ANKFY1: variants seen among roughly 807,000 people sequenced by gnomAD.
ANKFY1 encodes the protein ankyrin repeat and FYVE domain-containing protein 1.
In ANKFY1, 47 loss-of-function variants were observed where a neutral mutation model predicts 128.3. The observed-to-expected ratio is 0.37, with a 90% CI of 0.29 to 0.47. ANKFY1 has a LOEUF of 0.47. Among genes scored for constraint, ANKFY1 ranks in the 20% least tolerant of loss-of-function variants. ANKFY1 has a pLI of 1.00. For missense variants in ANKFY1, 1,222 were observed against 1,510.6 expected, an observed-to-expected ratio of 0.81 and a Z score of 3.17; for synonymous variants, 553 against 601.6, an observed-to-expected ratio of 0.92 and a Z score of 1.18.
chr17:4,240,499 C>T (rs1967153954), intron 2 of ANKFY1, among the ~76,000 whole-genome samples: 1 of 152,034 alleles, frequency 6.6e-6, no homozygotes, highest in South Asian at 2.1e-4. Context: ...TCAAGCAATT[C>T]TCCTGCCTCA....
intron 7 of ANKFY1, among the ~76,000 whole-genome samples, chr17:4,200,228 A>AT (rs1434652483): frequency 6.6e-6 from 1 of 151,796 alleles, no homozygotes; most frequent in Non-Finnish European, 1.5e-5. Flanking sequence ...TACCCGGCTA[A>AT]TTTTTTTGTG....
intron 3 of ANKFY1, among the ~76,000 whole-genome samples, chr17:4,232,023 G>A (rs1385001395): frequency 2.6e-5 from 4 of 151,838 alleles, no homozygotes; most frequent in African/African-American, 9.7e-5. Context: ...ATTCTAAGAT[G>A]TAAGTTTATG....
At chr17:4,195,529 C>T (rs977844626) in intron 8 of ANKFY1, 58 bp from the exon 9 acceptor site, 130 of 1,339,588 alleles carry the variant, frequency 9.7e-5, no homozygotes, top group Admixed American at 1.7e-4. Flanking sequence ...GGATGACTCA[C>T]GGCAAGACGC....
chr17:4,199,991 G>C (rs1233077923), intron 7 of ANKFY1, among the ~76,000 whole-genome samples: 1 of 152,066 alleles, frequency 6.6e-6, no homozygotes, highest in Non-Finnish European at 1.5e-5. Flanking sequence ...GCCTTGCTGG[G>C]TGAAAGCAAT....
At chr17:4,199,861 T>C (rs984019063) in intron 7 of ANKFY1, among the ~76,000 whole-genome samples, 5 of 152,232 alleles carry the variant, frequency 3.3e-5, no homozygotes, top group African/African-American at 1.2e-4. Flanking sequence ...ATATTTAACA[T>C]TTAAAACACG....
chr17:4,185,846 C>T (rs569519698), intron 11 of ANKFY1, among the ~76,000 whole-genome samples: 3 of 152,256 alleles, frequency 2.0e-5, no homozygotes, highest in East Asian at 1.9e-4. Context: ...AGCCGCGCAG[C>T]CCCCGCCCGG....
chr17:4,262,036 T>C (rs1968445057), intron 1 of ANKFY1, among the ~76,000 whole-genome samples: 1 of 152,232 alleles, frequency 6.6e-6, no homozygotes, highest in Non-Finnish European at 1.5e-5. Context: ...AGACAAAAAC[T>C]GGGTGCCTGC....
At chr17:4,224,214 GTTTTTTTTTTTTTTTT>G (rs33995900) in intron 3 of ANKFY1, among the ~76,000 whole-genome samples, 7 of 66,722 alleles carry the variant, frequency 1.0e-4, no homozygotes, top group Non-Finnish European at 1.8e-4. Context: ...CACCTTTGAA[GTTTTTTTTTTTTTTTT>G]TTTTTTTTTT....
At chr17:4,172,506 G>A in intron 22 of ANKFY1, 50 bp downstream of exon 22, 3 of 1,587,366 alleles carry the variant, frequency 1.9e-6, no homozygotes, top group Non-Finnish European at 1.7e-6. Context: ...GCTTTTCCAG[G>A]AAGCAAGGTG....
intron 7 of ANKFY1, among the ~76,000 whole-genome samples, chr17:4,200,456 TGATAG>T (rs1466913366): frequency 6.6e-6 from 1 of 152,168 alleles, no homozygotes; most frequent in Non-Finnish European, 1.5e-5. Flanking sequence ...CTCTGATGGG[TGATAG>T]CAAGTTAACC....
chr17:4,195,050 A>T lies in ANKFY1; in HGVS notation c.1300T>A (p.Phe434Ile). ...EDVPVVNGTS[F>I]DENSFAARLI... ...CTGGCTGCAAAGCTGTTCTCATCAA[A>T]TGAAGTCCCATTTACCACGGGGACA... Residue 434 changes from phenylalanine to isoleucine, a missense_variant, in exon 10 of 25, where the codon TTT becomes ATT. Coordinates refer to ENST00000341657, the MANE Select transcript of ANKFY1 (RefSeq NM_001330063.2). 1 of 1,614,228 alleles carries T rather than the reference A, an allele frequency of 6.2e-7. No individual in the cohort carries two copies. The highest frequency in any genetic ancestry group is 8.5e-7 in the Non-Finnish European group (1 of 1,180,044).
chr17:4,212,770 CTTTT>C (rs35264086), intron 4 of ANKFY1, among the ~76,000 whole-genome samples: 5 of 130,826 alleles, frequency 3.8e-5, no homozygotes, highest in African/African-American at 8.4e-5. Flanking sequence ...GCAGAACACA[CTTTT>C]TTTTTTTTTT....
intron 3 of ANKFY1, among the ~76,000 whole-genome samples, chr17:4,233,391 G>A (rs911244751): frequency 2.6e-5 from 4 of 151,444 alleles, no homozygotes; most frequent in African/African-American, 7.3e-5. Context: ...GCTATCCCTC[G>A]AGATTTCGAT....
At chr17:4,197,297 G>C in intron 8 of ANKFY1, 76 bp downstream of exon 8, 1 of 1,487,632 alleles carries the variant, frequency 6.7e-7, no homozygotes, top group Non-Finnish European at 9.3e-7. Context: ...TGAACTCCCC[G>C]TATGCCAATT....
intron 1 of ANKFY1, among the ~76,000 whole-genome samples, chr17:4,242,715 G>A (rs1343048370): frequency 1.3e-5 from 2 of 152,148 alleles, no homozygotes; most frequent in African/African-American, 4.8e-5. Flanking sequence ...GCAACGTACT[G>A]TCTCCACGTT....
chr17:4,223,535 C>T (rs769894457), intron 3 of ANKFY1: 45 of 1,194,472 alleles, frequency 3.8e-5, no homozygotes, highest in Non-Finnish European at 5.5e-5. Context: ...TGTTGGATGG[C>T]TCTTGAAAGT....
In ANKFY1 at chr17:4,181,072, C is replaced by T; in HGVS notation, c.2240+182G>A. On this transcript the variant is annotated intron_variant, in intron 16 of 24. Coordinates refer to ENST00000341657, the MANE Select transcript of ANKFY1 (RefSeq NM_001330063.2). This position sits in a 1 kb window ranked among gnomAD's most constrained non-coding sequence, Gnocchi z 4.9. ...ATTCAGGGCTGTGAGCTCCTCCCGTCACAAGTGAGCCTGGCTCCTGGCTGA... is the reference window on the plus strand; with the variant it reads ...ATTCAGGGCTGTGAGCTCCTCCCGTTACAAGTGAGCCTGGCTCCTGGCTGA... 1.8e-6 allele frequency: 1 copy of T among 571,208 alleles called. No individual in the cohort carries two copies. The highest frequency in any genetic ancestry group is 2.4e-5 in the South Asian group (1 of 41,110). The allele number at this position is 571,208 out of a possible 1,614,324, so 35.4% of individuals were successfully genotyped here. A position where few individuals can be genotyped will look rare whatever the true frequency, so the allele number is the denominator to read the frequency against.
At chr17:4,218,876 CAAAAAG>C (rs1191853676) in intron 3 of ANKFY1, among the ~76,000 whole-genome samples, 2 of 151,300 alleles carry the variant, frequency 1.3e-5, no homozygotes, top group African/African-American at 2.4e-5. Flanking sequence ...GACCCTGTCT[CAAAAAG>C]AAAAAGAAAA....
chr17:4,170,927 G>A, intron 22 of ANKFY1, 66 bp from the exon 23 acceptor site: 3 of 1,609,330 alleles, frequency 1.9e-6, no homozygotes, highest in Non-Finnish European at 2.5e-6. Context: ...ACAGACGGAG[G>A]GCGGAGGACA....
Sources: gnomAD v4.1 joint callset for allele counts (sites outside exome capture counted in the v4.1 genomes callset) on GRCh38, gnomAD v4.1.1 for gene constraint, Gnocchi (gnomAD v3.1) non-coding constraint, MANE v1.5 for transcripts, NCBI Gene and HGNC (gene_info 2026-07-23, HGNC 2026-07-21) for gene names.